The following IFT74 variants were observed in gnomAD, a reference collection of about 807,000 sequenced individuals.
IFT74 encodes the protein intraflagellar transport 74.
Under a neutral mutation model 96.7 loss-of-function variants are expected in IFT74, and 92 were observed. The ratio of observed to expected loss-of-function variants is 0.95; its 90% CI spans 0.80 to 1.13. The LOEUF (loss-of-function observed/expected upper bound fraction) is 1.13, where lower values mean the gene tolerates loss of function less well. Ranked by LOEUF, IFT74 falls within the 50% of genes most tolerant of loss-of-function variation. The probability of loss-of-function intolerance (pLI) is 0.00; values close to 1 mark genes in which losing one functional copy is unlikely to be tolerated. For missense variants in IFT74, 811 were observed against 698.2 expected, an observed-to-expected ratio of 1.16 and a Z score of -1.82; for synonymous variants, 223 against 213.2, an observed-to-expected ratio of 1.05 and a Z score of -0.40.
In IFT74 at chr9:27,025,463, AG is replaced by A. The variant is rs1410419224; in HGVS notation, c.975-3561del. Among the ~76,000 whole-genome samples, 7 of 146,532 alleles carry A rather than the reference AG, an allele frequency of 4.8e-5. 1 individual carries two copies. The highest frequency in any genetic ancestry group is 6.0e-5 in the Non-Finnish European group (4 of 66,666). On this transcript the variant is annotated intron_variant, in intron 12 of 19. Coordinates refer to ENST00000380062, the MANE Select transcript of IFT74 (RefSeq NM_025103.4). ...ATCTCCAAAAAAAAAAAAAAAAAAA[AG>A]AAAAGAAAAGAAAGAATGTCAAAGA...
At chr9:27,009,686 C>G (rs75380155) in intron 9 of IFT74, among the ~76,000 whole-genome samples, 6,064 of 151,646 alleles carry the variant, frequency 0.04, 207 homozygotes, top group South Asian at 0.13. Flanking sequence ...AAAAAAAGGC[C>G]TCATAGACCA....
At chr9:27,022,810 T>G (rs1829675682) in intron 12 of IFT74, among the ~76,000 whole-genome samples, 1 of 151,968 alleles carries the variant, frequency 6.6e-6, no homozygotes, top group Non-Finnish European at 1.5e-5. Flanking sequence ...ACCGGCTACT[T>G]TTTTGTATTT....
chr9:27,036,479 GA>G, intron 13 of IFT74: 1 of 1,613,514 alleles, frequency 6.2e-7, no homozygotes, highest in Non-Finnish European at 8.5e-7. Context: ...GAAAATACTT[GA>G]AAAAAATACA....
rs1210786711 is a variant in IFT74 at position 27,009,106 on chromosome 9, A to T, written c.674A>T (p.Glu225Val). ...GACATTATCAAAAATATGTCTTTTG[A>T]AAACCAAGTCAAGTACCTAGAGATG... Reference protein sequence around the residue: ...TDDIIKNMSFENQVKYLEMKT... With the variant: ...TDDIIKNMSFVNQVKYLEMKT... The change falls in exon 9 of 20, where the codon GAA becomes GTA. Residue 225 changes from glutamate (E) to valine (V), a missense_variant. Coordinates refer to ENST00000380062, the MANE Select transcript of IFT74 (RefSeq NM_025103.4). 1 of 1,613,386 alleles carries T rather than the reference A, an allele frequency of 6.2e-7. No individual in the cohort carries two copies. The highest frequency in any genetic ancestry group is 1.1e-5 in the South Asian group (1 of 91,036).
At chr9:27,018,454 AGGAT>A (rs1268188633) in intron 11 of IFT74, among the ~76,000 whole-genome samples, 189 bp from the exon 12 acceptor site, 1 of 152,160 alleles carries the variant, frequency 6.6e-6, no homozygotes, top group African/African-American at 2.4e-5. Context: ...TTGAGGAAAA[AGGAT>A]GGAATCTGTG....
chr9:27,066,037 T>C lies in IFT74; in HGVS notation c.*3301T>C, dbSNP rs2131725558. Among the ~76,000 whole-genome samples, 1 of 152,330 alleles carries C rather than the reference T, an allele frequency of 6.6e-6. No homozygotes were observed. Among genetic ancestry groups the C allele is most frequent in the South Asian group, 2.1e-4 (1 of 4,830 alleles). On this transcript the variant is annotated 3_prime_UTR_variant, in exon 20 of 20. Coordinates refer to ENST00000380062, the MANE Select transcript of IFT74 (RefSeq NM_025103.4). ...TAAGTTACTTGTGATCTCACCAGTC[T>C]TTTTAGATACGCATCTATATTTATG...
intron 12 of IFT74, among the ~76,000 whole-genome samples, chr9:27,019,823 T>C (rs1249991276): frequency 6.6e-6 from 1 of 152,114 alleles, no homozygotes; most frequent in Non-Finnish European, 1.5e-5. Flanking sequence ...CTCATGACTA[T>C]GTTTAACTTT....
At chr9:27,001,614 A>C (rs1488202673) in intron 8 of IFT74, among the ~76,000 whole-genome samples, 1 of 152,100 alleles carries the variant, frequency 6.6e-6, no homozygotes, top group Non-Finnish European at 1.5e-5. Flanking sequence ...TTTTTTGAGA[A>C]ATATCTATTC....
intron 6 of IFT74, 48 bp from the exon 7 acceptor site, chr9:26,988,621 G>C (rs1827734583): frequency 1.4e-6 from 2 of 1,480,720 alleles, no homozygotes; most frequent in Non-Finnish European, 1.8e-6. Context: ...GAGAACATGT[G>C]TAAAGACTAA....
intron 1 of IFT74, among the ~76,000 whole-genome samples, chr9:26,949,929 T>A (rs1266777335): frequency 6.6e-6 from 1 of 152,200 alleles, no homozygotes; most frequent in Non-Finnish European, 1.5e-5. Context: ...GGTTTCACAA[T>A]AGTGATGTTA....
chr9:26,973,810 T>C (rs1790217855), intron 2 of IFT74, among the ~76,000 whole-genome samples: 1 of 152,138 alleles, frequency 6.6e-6, no homozygotes, highest in African/African-American at 2.4e-5. Context: ...CCTGAATCAA[T>C]TAAAAAGGTG....
intron 6 of IFT74, among the ~76,000 whole-genome samples, chr9:26,988,253 A>T (rs1827719057): frequency 6.6e-6 from 1 of 152,112 alleles, no homozygotes; most frequent in South Asian, 2.1e-4. Flanking sequence ...AGCCCGGCTT[A>T]CTAGTGTAAA....
chr9:27,020,064 A>T (rs540520061), intron 12 of IFT74, among the ~76,000 whole-genome samples: 3 of 151,172 alleles, frequency 2.0e-5, no homozygotes, highest in African/African-American at 7.3e-5. Flanking sequence ...CAACCTCCAC[A>T]TCCTGGGTTC....
In IFT74 at chr9:27,055,621, T is replaced by C; in HGVS notation, c.1346T>C (p.Leu449Pro). ...TCTTATGTTTCAGACATTCAACGTCTGCAGTTGGATCTGCAGAAAATGGAG... is the reference window on the plus strand; with the variant it reads ...TCTTATGTTTCAGACATTCAACGTCCGCAGTTGGATCTGCAGAAAATGGAG... ...AQNLTSDIQRLQLDLQKMELL... is the reference protein window; with the variant it reads ...AQNLTSDIQRPQLDLQKMELL... Residue 449 changes from leucine to proline, a missense_variant, in exon 17 of 20, where the codon CTG (leucine) becomes CCG (proline). Physicochemically the swap from Leu to Pro is moderately conservative, Grantham distance 98. Coordinates refer to ENST00000380062, the MANE Select transcript of IFT74 (RefSeq NM_025103.4). 6.3e-7 allele frequency: 1 copy of C among 1,576,420 alleles called. No homozygotes were observed. The highest frequency in any genetic ancestry group is 8.6e-7 in the Non-Finnish European group (1 of 1,167,210).
intron 2 of IFT74, among the ~76,000 whole-genome samples, chr9:26,968,298 G>A (rs1027040065): frequency 1.3e-5 from 2 of 148,968 alleles, no homozygotes; most frequent in African/African-American, 5.0e-5. Flanking sequence ...ATCTCGCTCT[G>A]TTGCCCAGGC....
chr9:27,061,160 T>C (rs1002922703), intron 19 of IFT74, among the ~76,000 whole-genome samples: 1 of 152,070 alleles, frequency 6.6e-6, no homozygotes, highest in Non-Finnish European at 1.5e-5. Flanking sequence ...TGTGTGTGTG[T>C]GTGTGTGTGC....
intron 4 of IFT74, among the ~76,000 whole-genome samples, chr9:26,982,120 A>G (rs1827406269): frequency 6.6e-6 from 1 of 152,076 alleles, no homozygotes; most frequent in Admixed American, 6.6e-5. Context: ...CGTGTTACTC[A>G]TATCATTAAA....
chr9:27,025,443 C>CAAAAAA (rs57335230), intron 12 of IFT74, among the ~76,000 whole-genome samples: 185 of 76,992 alleles, frequency 2.4e-3, no homozygotes, highest in Non-Finnish European at 3.4e-3. Context: ...ACTCCATCTC[C>CAAAAAA]AAAAAAAAAA....
chr9:26,990,390 A>G (rs189133210), intron 8 of IFT74, among the ~76,000 whole-genome samples, 195 bp downstream of exon 8: 1 of 150,590 alleles, frequency 6.6e-6, no homozygotes, highest in Non-Finnish European at 1.5e-5. Context: ...AATTCTGTAT[A>G]AAGACTATTG....
Sources: allele counts gnomAD v4.1 joint callset (sites outside exome capture counted in the v4.1 genomes callset), GRCh38; gene constraint gnomAD v4.1.1; transcripts MANE v1.5; gene names NCBI Gene and HGNC (gene_info 2026-07-23, HGNC 2026-07-21).